Variants in GRM5 observed in about 807,000 individuals in gnomAD.
The protein encoded by GRM5 is glutamate metabotropic receptor 5, also known as metabotropic glutamate receptor 5.
In GRM5, 19 loss-of-function variants were observed where a neutral mutation model predicts 83.1. The ratio of observed to expected loss-of-function variants is 0.23; its 90% confidence interval spans 0.16 to 0.34. The LOEUF is 0.34. Ranked by LOEUF, GRM5 falls within the 10% of genes least tolerant of loss-of-function variation. The pLI is 1.00. For synonymous variants in GRM5, 675 were observed against 633.6 expected (o/e 1.07, Z -0.98); for missense variants, 1,160 against 1,588.3 (o/e 0.73, Z 4.58).
At chr11:88,734,560 C>A (rs1428492003) in intron 3 of GRM5, among the ~76,000 whole-genome samples, 4 of 152,000 alleles carry the variant, frequency 2.6e-5, no homozygotes, top group Non-Finnish European at 5.9e-5. Context: ...GACTGAAGTT[C>A]AGGAAACAGT....
chr11:88,952,885 C>T (rs1032642781), intron 2 of GRM5, among the ~76,000 whole-genome samples: 6 of 152,078 alleles, frequency 3.9e-5, no homozygotes, highest in African/African-American at 1.4e-4. Context: ...ATCTGTAAAA[C>T]ATCTTCTAAA....
At chr11:88,976,504 G>A (rs1246096276) in intron 2 of GRM5, among the ~76,000 whole-genome samples, 4 of 150,056 alleles carry the variant, frequency 2.7e-5, no homozygotes. Flanking sequence ...TGGGGTTGTT[G>A]TAAGAAAATT....
chr11:88,838,786 G>T (rs1227008196), intron 3 of GRM5, among the ~76,000 whole-genome samples: 4 of 151,404 alleles, frequency 2.6e-5, no homozygotes, highest in Admixed American at 6.6e-5. Flanking sequence ...AATAATAAAT[G>T]AAACCACTTA....
intron 3 of GRM5, among the ~76,000 whole-genome samples, chr11:88,693,002 G>A (rs1450658978): frequency 2.0e-5 from 3 of 152,122 alleles, no homozygotes; most frequent in African/African-American, 7.2e-5. Context: ...TGCACTGAGT[G>A]GTCTACTGCA....
intron 2 of GRM5, among the ~76,000 whole-genome samples, chr11:88,897,342 C>A (rs1375676003): frequency 6.6e-6 from 1 of 151,922 alleles, no homozygotes; most frequent in East Asian, 1.9e-4. Flanking sequence ...TTATAAAGGA[C>A]AGCCCAATAT....
chr11:88,593,676 CA>C (rs1555075002), intron 6 of GRM5, among the ~76,000 whole-genome samples: 17 of 132,918 alleles, frequency 1.3e-4, no homozygotes, highest in East Asian at 4.7e-4. Flanking sequence ...GACTCCGTCT[CA>C]AAAAAAAAAA....
intron 2 of GRM5, among the ~76,000 whole-genome samples, chr11:88,856,103 T>C (rs1190427122): frequency 6.6e-6 from 1 of 152,086 alleles, no homozygotes; most frequent in Non-Finnish European, 1.5e-5. Flanking sequence ...TGGTCCAAAT[T>C]ATCTTTTCCT....
intron 3 of GRM5, among the ~76,000 whole-genome samples, chr11:88,823,428 A>G (rs7483345): frequency 0.27 from 40,785 of 151,292 alleles, 5,828 homozygotes; most frequent in South Asian, 0.54. Context: ...CAGTATTTTA[A>G]GTTTACTGGT....
intron 2 of GRM5, among the ~76,000 whole-genome samples, chr11:88,879,923 A>C (rs2135571693): frequency 6.6e-6 from 1 of 152,210 alleles, no homozygotes; most frequent in Admixed American, 6.6e-5. Context: ...GAGGAAACAA[A>C]ACTAAACACT....
intron 3 of GRM5, among the ~76,000 whole-genome samples, chr11:88,816,765 A>C (rs1943697032): frequency 6.7e-6 from 1 of 149,416 alleles, no homozygotes; most frequent in South Asian, 2.1e-4. Context: ...AAAAAAAGGA[A>C]AGAAAAGGCA....
In GRM5 at chr11:88,625,428, G is replaced by T. The variant is rs138425100; in HGVS notation, c.1148-20464C>A. The stretch of plus-strand genomic sequence containing the variant: ...GAATCTAGCCAAATTATTATACAAA[G>T]AGTAATTTTTTCTAAGGAAAAATCC... On this transcript the variant is annotated intron_variant, in intron 4 of 9. Transcript: ENST00000305447. 9.9e-3 allele frequency among the ~76,000 whole-genome samples: 1,502 copies of T among 152,214 alleles called. 32 individuals carry two copies. Among genetic ancestry groups the T allele is most frequent in the African/African-American group, 0.034 (1,420 of 41,528 alleles).
chr11:88,775,522 T>C (rs1942828820), intron 3 of GRM5, among the ~76,000 whole-genome samples: 1 of 152,186 alleles, frequency 6.6e-6, no homozygotes, highest in Admixed American at 6.5e-5. Context: ...GTTCTTTTAA[T>C]TGTGATGTTA....
chr11:88,813,232 G>T (rs1249373593), intron 3 of GRM5, among the ~76,000 whole-genome samples: 1 of 152,106 alleles, frequency 6.6e-6, no homozygotes, highest in African/African-American at 2.4e-5. Flanking sequence ...CCAACAAGTT[G>T]CTGACATTTT....
intron 4 of GRM5, among the ~76,000 whole-genome samples, chr11:88,649,203 T>C (rs1286847945): frequency 7.2e-6 from 1 of 139,328 alleles, no homozygotes; most frequent in African/African-American, 2.7e-5. Context: ...ATATAATATC[T>C]ATACACATAT....
At chr11:88,612,535 G>A (rs1327699240) in intron 4 of GRM5, among the ~76,000 whole-genome samples, 17 of 152,124 alleles carry the variant, frequency 1.1e-4, no homozygotes, top group Admixed American at 9.8e-4. Context: ...TCCCTGAGGA[G>A]TAGCCACACT....
intron 3 of GRM5, among the ~76,000 whole-genome samples, chr11:88,741,939 A>G (rs1329888855): frequency 6.6e-6 from 1 of 152,064 alleles, no homozygotes; most frequent in Non-Finnish European, 1.5e-5. Flanking sequence ...AAACACATTT[A>G]AAACAATATG....
At chr11:88,608,742 G>T (rs188744853) in intron 4 of GRM5, among the ~76,000 whole-genome samples, 285 of 151,948 alleles carry the variant, frequency 1.9e-3, no homozygotes, top group African/African-American at 6.5e-3. Flanking sequence ...GGATGGTCTC[G>T]ATCTCCTGAC....
At chr11:88,693,370 A>T (rs1429927737) in intron 3 of GRM5, among the ~76,000 whole-genome samples, 1 of 152,288 alleles carries the variant, frequency 6.6e-6, no homozygotes, top group East Asian at 1.9e-4. Flanking sequence ...GGGAAAGGTG[A>T]TTTCTGACTG....
At chr11:88,574,927 A>G (rs1451162760) in intron 7 of GRM5, among the ~76,000 whole-genome samples, 2 of 151,680 alleles carry the variant, frequency 1.3e-5, no homozygotes, top group Admixed American at 6.6e-5. Flanking sequence ...CCATCCAACT[A>G]TGAAGGTCAG....
Sources: allele counts gnomAD v4.1 joint callset (sites outside exome capture counted in the v4.1 genomes callset), GRCh38; gene constraint gnomAD v4.1.1; transcripts MANE v1.5; gene names NCBI Gene and HGNC (gene_info 2026-07-23, HGNC 2026-07-21).